The following TANC1 variants were observed in gnomAD, a reference collection of about 807,000 sequenced individuals.
TANC1 encodes protein TANC1.
A neutral mutation model predicts 149.7 loss-of-function variants in TANC1; 77 were observed. The ratio of observed to expected loss-of-function variants is 0.51; its 90% CI spans 0.43 to 0.62. The LOEUF (loss-of-function observed/expected upper bound fraction) is 0.62, where lower values mean the gene tolerates loss of function less well. TANC1 is among the 20% of genes least tolerant of loss of function. The pLI is 0.00. For synonymous variants in TANC1, 854 were observed against 925.0 expected (o/e 0.92, Z 1.39); for missense variants, 1,985 against 2,321.8 (o/e 0.85, Z 2.98).
intron 14 of TANC1, among the ~76,000 whole-genome samples, chr2:159,181,964 G>A (rs951247853): frequency 2.0e-5 from 3 of 152,148 alleles, no homozygotes; most frequent in Non-Finnish European, 4.4e-5. Context: ...ACTTTGGGAG[G>A]CAGAGATGGG....
At chr2:159,178,520 T>C (rs1001900531) in intron 13 of TANC1, 36 bp from the exon 14 acceptor site, 1 of 1,524,662 alleles carries the variant, frequency 6.6e-7, no homozygotes, top group South Asian at 1.3e-5. Context: ...GGAATCTCTT[T>C]AGAGTGACAC....
intron 5 of TANC1, among the ~76,000 whole-genome samples, chr2:159,146,513 C>A (rs1400122722): frequency 6.7e-6 from 1 of 148,972 alleles, no homozygotes; most frequent in African/African-American, 2.5e-5. Flanking sequence ...AACAGTTGAT[C>A]ATGAATTTGG....
chr2:159,179,262 C>T, intron 14 of TANC1, 99 bp downstream of exon 14: 1 of 1,423,172 alleles, frequency 7.0e-7, no homozygotes, highest in South Asian at 1.4e-5. Context: ...GAAGGGCAAT[C>T]CAGAATGACT....
intron 2 of TANC1, among the ~76,000 whole-genome samples, chr2:159,023,428 C>T (rs532647069): frequency 2.5e-4 from 38 of 151,940 alleles, no homozygotes; most frequent in Admixed American, 2.3e-3. Context: ...CTGCAACCTC[C>T]ACCCTCCCAG....
intron 2 of TANC1, among the ~76,000 whole-genome samples, chr2:159,036,945 A>C (rs2040238812): frequency 6.6e-6 from 1 of 152,214 alleles, no homozygotes; most frequent in Admixed American, 6.5e-5. Context: ...ACTGTCTTCC[A>C]CAATGGTTGA....
chr2:159,136,002 T>TTGTGTGTGTGTGGGTGTGTGTG (rs2050631521), intron 4 of TANC1, among the ~76,000 whole-genome samples, 192 bp from the exon 5 acceptor site: 1 of 107,776 alleles, frequency 9.3e-6, no homozygotes, highest in Non-Finnish European at 2.2e-5. Flanking sequence ...TACTGAAATT[T>TTGTGTGTGTGTGGGTGTGTGTG]TGTGTGTGTG....
intron 3 of TANC1, among the ~76,000 whole-genome samples, chr2:159,075,463 C>A (rs533790089): frequency 6.6e-6 from 1 of 151,254 alleles, no homozygotes; most frequent in Non-Finnish European, 1.5e-5. Context: ...ATAGTCTCAG[C>A]TACTTAGGAG....
intron 1 of TANC1, among the ~76,000 whole-genome samples, chr2:158,996,516 G>A (rs1032308195): frequency 6.6e-6 from 1 of 152,222 alleles, no homozygotes; most frequent in South Asian, 2.1e-4. Flanking sequence ...ATGATTTCTA[G>A]TGATTGCATG....
At chr2:159,158,965 T>C (rs1251839565) in intron 7 of TANC1, among the ~76,000 whole-genome samples, 1 of 152,238 alleles carries the variant, frequency 6.6e-6, no homozygotes, top group Non-Finnish European at 1.5e-5. Flanking sequence ...TTGTGGCATA[T>C]GTTTGGTATC....
At chr2:159,015,570 T>G (rs1340991662) in intron 2 of TANC1, among the ~76,000 whole-genome samples, 1 of 152,222 alleles carries the variant, frequency 6.6e-6, no homozygotes, top group Non-Finnish European at 1.5e-5. Flanking sequence ...AGAATTTTCT[T>G]TTCTATTGCA....
chr2:159,135,181 A>G (rs1264663105), intron 4 of TANC1, among the ~76,000 whole-genome samples: 2 of 152,180 alleles, frequency 1.3e-5, no homozygotes, highest in African/African-American at 2.4e-5. Context: ...TGGGCATGAC[A>G]TATGAATGGA....
intron 19 of TANC1, among the ~76,000 whole-genome samples, chr2:159,204,155 C>T (rs1300037483): frequency 6.6e-6 from 1 of 152,196 alleles, no homozygotes. Context: ...TAGCCTGGTC[C>T]TTGTCATATA....
intron 2 of TANC1, among the ~76,000 whole-genome samples, chr2:159,033,627 G>A (rs927396566): frequency 6.6e-6 from 1 of 152,194 alleles, no homozygotes. Flanking sequence ...CCTGGTGGTT[G>A]TCCCTCTATT....
rs769334167 is a variant in TANC1, at chr2:159,229,823, C to A, written c.4397C>A (p.Pro1466His). ...SEETEEEETSPQEESVSPTPR... is the reference protein window; with the variant it reads ...SEETEEEETSHQEESVSPTPR... ...GAGACTGAAGAGGAAGAAACTTCTC[C>A]CCAGGAAGAATCTGTTTCCCCAACT... Residue 1466 changes from proline (P) to histidine (H), a missense_variant, in exon 27 of 27, where the codon CCC (proline) becomes CAC (histidine). By Grantham distance (77) the Pro-to-His change is moderately conservative (BLOSUM62 -2). Transcript: ENST00000263635. The A allele has an allele frequency of 6.2e-6, 10 of 1,614,008 alleles. No homozygotes were observed. The South Asian group carries it at 1.1e-4, about 18-fold the overall frequency.
chr2:159,135,693 T>C (rs957547566), intron 4 of TANC1, among the ~76,000 whole-genome samples: 1 of 151,862 alleles, frequency 6.6e-6, no homozygotes, highest in African/African-American at 2.4e-5. Flanking sequence ...TTGTGGCTGG[T>C]GCGCAGACTG....
intron 1 of TANC1, among the ~76,000 whole-genome samples, chr2:158,998,816 G>A (rs1460639484): frequency 2.0e-5 from 3 of 152,168 alleles, no homozygotes; most frequent in Non-Finnish European, 2.9e-5. Flanking sequence ...ATTTATTTGG[G>A]GAGAGCCAAA....
intron 4 of TANC1, among the ~76,000 whole-genome samples, chr2:159,128,200 A>T (rs920298810): frequency 3.3e-5 from 5 of 152,166 alleles, no homozygotes; most frequent in African/African-American, 9.7e-5. Flanking sequence ...GACTCAAATC[A>T]CACTGATCTT....
intron 2 of TANC1, among the ~76,000 whole-genome samples, chr2:159,041,734 A>G (rs1057075116): frequency 6.6e-6 from 1 of 152,142 alleles, no homozygotes; most frequent in Admixed American, 6.5e-5. Context: ...TACCCCTTGT[A>G]CTTCCTGGGT....
intron 12 of TANC1, 105 bp from the exon 13 acceptor site, chr2:159,176,246 AC>A: frequency 3.4e-6 from 2 of 591,102 alleles, no homozygotes. Flanking sequence ...CCATATGTAA[AC>A]CTTTTTAGTT....
Sources: gnomAD v4.1 joint callset for allele counts (sites outside exome capture counted in the v4.1 genomes callset) on GRCh38, gnomAD v4.1.1 for gene constraint, MANE v1.5 for transcripts, NCBI Gene and HGNC (gene_info 2026-07-23, HGNC 2026-07-21) for gene names.